ASIC2: variants seen among roughly 807,000 people sequenced by gnomAD.
ASIC2 encodes the protein acid-sensing ion channel 2.
In ASIC2, 25 loss-of-function variants were observed where a neutral mutation model predicts 57.3. That is an observed-to-expected ratio of 0.44 (90% confidence interval 0.32 to 0.61). ASIC2 has a LOEUF of 0.61. Among genes scored for constraint, ASIC2 ranks in the 20% least tolerant of loss-of-function variants. ASIC2 has a pLI of 0.06. For synonymous variants in ASIC2, 319 were observed against 307.5 expected (o/e 1.04, Z -0.39); for missense variants, 641 against 738.1 (o/e 0.87, Z 1.52).
chr17:33,919,017 G>T (rs1237275848), intron 1 of ASIC2, among the ~76,000 whole-genome samples: 3 of 152,166 alleles, frequency 2.0e-5, no homozygotes, highest in African/African-American at 7.2e-5. Context: ...TGAAGGATTG[G>T]GGGGTGTGCC....
chr17:33,075,819 C>T (rs1200537903), intron 3 of ASIC2, among the ~76,000 whole-genome samples: 1 of 152,074 alleles, frequency 6.6e-6, no homozygotes, highest in Non-Finnish European at 1.5e-5. Context: ...AGTGAAGGAC[C>T]CATTGTCTTT....
At chr17:33,377,066 G>A (rs1358358213) in intron 1 of ASIC2, among the ~76,000 whole-genome samples, 2 of 152,028 alleles carry the variant, frequency 1.3e-5, no homozygotes, top group Admixed American at 6.6e-5. Flanking sequence ...GAGGGGGGGA[G>A]CGGAGATGGA....
intron 1 of ASIC2, among the ~76,000 whole-genome samples, chr17:33,494,553 GAAGTGCACCTAGAACAGC>G (rs1347474734): frequency 1.3e-5 from 2 of 152,156 alleles, no homozygotes; most frequent in African/African-American, 4.8e-5. Flanking sequence ...GGAGTCGCAG[GAAGTGCACCTAGAACAGC>G]AATGAAGACC....
At chr17:33,282,756 G>A (rs1905009035) in intron 1 of ASIC2, among the ~76,000 whole-genome samples, 1 of 152,080 alleles carries the variant, frequency 6.6e-6, no homozygotes, top group South Asian at 2.1e-4. Context: ...TTACAGGCGT[G>A]AACCACCACG....
At chr17:33,311,770 T>G (rs777337441) in intron 1 of ASIC2, among the ~76,000 whole-genome samples, 1 of 152,218 alleles carries the variant, frequency 6.6e-6, no homozygotes, top group Non-Finnish European at 1.5e-5. Context: ...AGCTCATCCC[T>G]AGGCTTCTTT....
intron 1 of ASIC2, among the ~76,000 whole-genome samples, chr17:33,600,064 C>T (rs1905085955): frequency 6.6e-6 from 1 of 152,242 alleles, no homozygotes; most frequent in South Asian, 2.1e-4. Context: ...GTGCATCTCT[C>T]TGCATCCACC....
At chr17:33,839,791 C>T (rs926436788) in intron 1 of ASIC2, among the ~76,000 whole-genome samples, 7 of 152,128 alleles carry the variant, frequency 4.6e-5, no homozygotes, top group Non-Finnish European at 7.4e-5. Context: ...GTGGCAGGTA[C>T]CACCCAGCAG....
At chr17:33,954,261 T>G (rs34980734) in intron 1 of ASIC2, among the ~76,000 whole-genome samples, 2,240 of 152,072 alleles carry the variant, frequency 0.015, 71 homozygotes, top group African/African-American at 0.051. Flanking sequence ...GGGAGGAGTG[T>G]GTTGTGTGCA....
chr17:34,076,601 T>TG, intron 1 of ASIC2, among the ~76,000 whole-genome samples: 1 of 152,360 alleles, frequency 6.6e-6, no homozygotes, highest in African/African-American at 2.4e-5. Flanking sequence ...ATTGTTGTTA[T>TG]GAAGAATGGA....
intron 1 of ASIC2, among the ~76,000 whole-genome samples, chr17:33,498,254 G>A (rs1346975650): frequency 6.6e-6 from 1 of 152,232 alleles, no homozygotes. Flanking sequence ...GAACTGTTGA[G>A]CAATAATCCA....
intron 1 of ASIC2, among the ~76,000 whole-genome samples, chr17:34,067,767 T>C (rs930429843): frequency 2.6e-5 from 4 of 152,200 alleles, no homozygotes; most frequent in African/African-American, 9.6e-5. Context: ...AAGACATCCA[T>C]GATATGTTTT....
chr17:33,483,035 G>A (rs1363572522), intron 1 of ASIC2, among the ~76,000 whole-genome samples: 2 of 152,208 alleles, frequency 1.3e-5, no homozygotes, highest in African/African-American at 2.4e-5. Flanking sequence ...GGGAGAGATG[G>A]CAAAGAGGCA....
chr17:33,524,594 T>C (rs1247723510), intron 1 of ASIC2, among the ~76,000 whole-genome samples: 1 of 152,146 alleles, frequency 6.6e-6, no homozygotes, highest in Non-Finnish European at 1.5e-5. Context: ...TAGGTGTATA[T>C]GCATATGGCT....
intron 1 of ASIC2, among the ~76,000 whole-genome samples, chr17:33,422,373 A>AGTAG (rs1356517271): frequency 6.6e-6 from 1 of 152,228 alleles, no homozygotes; most frequent in East Asian, 1.9e-4. Context: ...GGAAAGATAG[A>AGTAG]GTAGGGCATG....
At chr17:34,025,745 C>T (rs1907353272) in intron 1 of ASIC2, among the ~76,000 whole-genome samples, 1 of 152,204 alleles carries the variant, frequency 6.6e-6, no homozygotes, top group African/African-American at 2.4e-5. Flanking sequence ...ACCACTTAAA[C>T]TCTCTAAGCC....
intron 6 of ASIC2, among the ~76,000 whole-genome samples, chr17:33,021,824 G>A (rs577743918): frequency 6.6e-6 from 1 of 152,366 alleles, no homozygotes; most frequent in East Asian, 1.9e-4. Flanking sequence ...AAGAAAGTTT[G>A]TAGGGAGCAA....
chr17:33,175,403 T>C (rs1191147075), intron 1 of ASIC2, among the ~76,000 whole-genome samples: 2 of 152,298 alleles, frequency 1.3e-5, no homozygotes, highest in African/African-American at 4.8e-5. Context: ...CCAAAGATAG[T>C]TCTGAGTTTA....
chr17:33,124,105 A>C (rs2092313908), intron 1 of ASIC2, among the ~76,000 whole-genome samples: 1 of 152,222 alleles, frequency 6.6e-6, no homozygotes, highest in Non-Finnish European at 1.5e-5. Flanking sequence ...TATGGCACTA[A>C]AATCCTCATA....
intron 3 of ASIC2, 122 bp downstream of exon 3, chr17:33,088,741 T>A: frequency 7.4e-7 from 1 of 1,353,978 alleles, no homozygotes; most frequent in Non-Finnish European, 9.6e-7. Flanking sequence ...TTAGCCAACA[T>A]CTTTCTCTAG....
Sources: gnomAD v4.1 joint callset for allele counts (sites outside exome capture counted in the v4.1 genomes callset) on GRCh38, gnomAD v4.1.1 for gene constraint, MANE v1.5 for transcripts, NCBI Gene and HGNC (gene_info 2026-07-23, HGNC 2026-07-21) for gene names.